The following CCNY variants were observed in gnomAD, a reference collection of about 807,000 sequenced individuals.
CCNY encodes cyclin-Y.
Under a neutral mutation model 42.8 loss-of-function variants are expected in CCNY, and 19 were observed. The ratio of observed to expected loss-of-function variants is 0.44; its 90% CI spans 0.31 to 0.65. CCNY has a LOEUF of 0.65. CCNY is among the 30% of genes least tolerant of loss of function. The pLI, the probability that CCNY is intolerant of heterozygous loss-of-function variation, is 0.07. For synonymous variants in CCNY, 165 were observed against 162.7 expected (o/e 1.01, Z -0.11); for missense variants, 370 against 437.3 (o/e 0.85, Z 1.37).
chr10:35,423,888 G>A (rs1423290819), intron 1 of CCNY, among the ~76,000 whole-genome samples: 6 of 152,160 alleles, frequency 3.9e-5, no homozygotes, highest in Non-Finnish European at 8.8e-5. Context: ...AAGAAGATAG[G>A]GGTTAGAGAA....
At position 35,273,500 on chromosome 10, in the gene CCNY, C is replaced by T. The variant is rs146764106; in HGVS notation, c.-9+22874C>T. Among the ~76,000 whole-genome samples, 231 of 152,128 alleles carry T rather than the reference C, an allele frequency of 1.5e-3. 2 individuals carry two copies. The highest frequency in any genetic ancestry group is 5.4e-3 in the African/African-American group (223 of 41,488). On this transcript the variant is annotated intron_variant, in intron 3 of 11. Transcript: ENST00000374706. ...GATTACAGGCATGAGCCACTGTGGC[C>T]GGCGATCCTCCTCATTCTTACCAGC...
intron 3 of CCNY, among the ~76,000 whole-genome samples, chr10:35,283,492 C>T (rs1835320005): frequency 6.6e-6 from 1 of 151,978 alleles, no homozygotes; most frequent in African/African-American, 2.4e-5. Context: ...CCACCTCTGC[C>T]TCCTGGGTTC....
intron 4 of CCNY, among the ~76,000 whole-genome samples, chr10:35,523,097 G>GGATA (rs1325034798): frequency 6.6e-6 from 1 of 152,154 alleles, no homozygotes; most frequent in Non-Finnish European, 1.5e-5. Context: ...AATTCCCAGA[G>GGATA]GATAGGTTGT....
chr10:35,357,616 C>A (rs1836587507), intron 1 of CCNY, among the ~76,000 whole-genome samples: 1 of 152,226 alleles, frequency 6.6e-6, no homozygotes, highest in South Asian at 2.1e-4. Flanking sequence ...GTCTGTTTAT[C>A]CCAGCATTGG....
intron 1 of CCNY, among the ~76,000 whole-genome samples, chr10:35,403,354 T>C (rs1837685480): frequency 6.6e-6 from 1 of 152,076 alleles, no homozygotes; most frequent in Non-Finnish European, 1.5e-5. Context: ...CTAAGAACCA[T>C]TTGCCTTGTG....
At chr10:35,510,896 A>G (rs1052620677) in intron 3 of CCNY, among the ~76,000 whole-genome samples, 4 of 152,230 alleles carry the variant, frequency 2.6e-5, no homozygotes, top group African/African-American at 9.6e-5. Flanking sequence ...ACTTGCCCAC[A>G]TTTACACAAC....
chr10:35,314,730 A>G (rs2135089548), intron 3 of CCNY: 1 of 151,990 alleles, frequency 6.6e-6, no homozygotes, highest in East Asian at 1.9e-4. Flanking sequence ...CCTGCCTGTC[A>G]TTTACTTATG....
intron 1 of CCNY, among the ~76,000 whole-genome samples, chr10:35,356,290 C>T (rs993420935): frequency 6.6e-6 from 1 of 152,164 alleles, no homozygotes; most frequent in Non-Finnish European, 1.5e-5. Context: ...AGCAGTACAG[C>T]AGTAGCAGCA....
At chr10:35,497,809 GA>G (rs1475209937) in intron 2 of CCNY, among the ~76,000 whole-genome samples, 1 of 152,072 alleles carries the variant, frequency 6.6e-6, no homozygotes, top group Admixed American at 6.6e-5. Context: ...TAGCTTAGGG[GA>G]AAAGGAGTAA....
intron 1 of CCNY, among the ~76,000 whole-genome samples, chr10:35,462,097 G>T (rs1317003340): frequency 6.6e-6 from 1 of 152,102 alleles, no homozygotes; most frequent in African/African-American, 2.4e-5. Context: ...GTCTTTACAT[G>T]TCAGCCATAA....
intron 1 of CCNY, among the ~76,000 whole-genome samples, chr10:35,407,791 G>T (rs1461933360): frequency 6.6e-6 from 1 of 152,066 alleles, no homozygotes; most frequent in Non-Finnish European, 1.5e-5. Flanking sequence ...ACGGAGAAGG[G>T]GGGTGGGGAG....
intron 1 of CCNY, among the ~76,000 whole-genome samples, chr10:35,395,650 C>T (rs750092056): frequency 8.5e-5 from 13 of 152,060 alleles, no homozygotes; most frequent in African/African-American, 2.4e-4. Flanking sequence ...AGTCAGGAGA[C>T]GCAAAGAAAG....
intron 2 of CCNY, among the ~76,000 whole-genome samples, chr10:35,500,794 A>C (rs1840095763): frequency 6.6e-6 from 1 of 152,244 alleles, no homozygotes; most frequent in Admixed American, 6.5e-5. Context: ...AAACACTGGT[A>C]TCTGGGGACA....
chr10:35,513,762 A>G (rs1218922310), intron 3 of CCNY, among the ~76,000 whole-genome samples: 2 of 152,182 alleles, frequency 1.3e-5, no homozygotes, highest in African/African-American at 4.8e-5. Context: ...TCTCCAGCAC[A>G]TCACTTTGCT....
rs1396461763 is a variant in CCNY at position 35,571,041 on chromosome 10, C to G, written c.*1871C>G. On this transcript the variant is annotated 3_prime_UTR_variant, in exon 10 of 10. Transcript: ENST00000374704. The stretch of plus-strand genomic sequence containing the variant: ...TGAATTTAGAACTTTGAATACAGGT[C>G]AAAAAATGTAGAAAATATCATTTTA... The G allele has an allele frequency of 6.6e-6, 1 of 152,106 alleles. No individual in the cohort carries two copies. The highest frequency in any genetic ancestry group is 1.5e-5 in the Non-Finnish European group (1 of 67,998). 9.4% of individuals were successfully genotyped at this position (152,106 alleles called of 1,614,324 possible). A position where few individuals can be genotyped will look rare whatever the true frequency, so the allele number is the denominator to read the frequency against.
intron 2 of CCNY, among the ~76,000 whole-genome samples, chr10:35,493,708 A>T (rs925059999): frequency 6.6e-6 from 1 of 152,214 alleles, no homozygotes; most frequent in African/African-American, 2.4e-5. Flanking sequence ...CCATTTCCAC[A>T]TGATTTCCCT....
chr10:35,543,338 C>T (rs138460308), intron 7 of CCNY, among the ~76,000 whole-genome samples: 21 of 152,294 alleles, frequency 1.4e-4, no homozygotes, highest in African/African-American at 5.1e-4. Context: ...GAAAAAGAGT[C>T]CTCTCCCAAT....
At chr10:35,492,006 TA>T (rs1839908614) in intron 2 of CCNY, among the ~76,000 whole-genome samples, 1 of 152,190 alleles carries the variant, frequency 6.6e-6, no homozygotes, top group Admixed American at 6.5e-5. Context: ...GCTGCACCTA[TA>T]TGCCCTGAAT....
At chr10:35,445,640 A>C (rs916508389) in intron 1 of CCNY, among the ~76,000 whole-genome samples, 1 of 152,132 alleles carries the variant, frequency 6.6e-6, no homozygotes, top group Admixed American at 6.5e-5. Flanking sequence ...GTGAGAGACT[A>C]CTTTTCCTAG....
Sources: allele counts gnomAD v4.1 joint callset (sites outside exome capture counted in the v4.1 genomes callset), GRCh38; gene constraint gnomAD v4.1.1; transcripts MANE v1.5; gene names NCBI Gene and HGNC (gene_info 2026-07-23, HGNC 2026-07-21).